Variants in CCDC39 observed in about 807,000 individuals in gnomAD.
CCDC39 encodes coiled-coil domain 39 molecular ruler complex subunit, also known as coiled-coil domain-containing protein 39.
CCDC39 carries 113 observed loss-of-function variants against 121.0 expected under a neutral mutation model. That is an observed-to-expected ratio of 0.93 (90% CI 0.80 to 1.09). The LOEUF is 1.09. CCDC39 is among the 50% of genes least tolerant of loss of function. CCDC39 has a pLI of 0.00. For synonymous variants in CCDC39, 349 were observed against 352.2 expected, an observed-to-expected ratio of 0.99 and a Z score of 0.10; for missense variants, 1,063 against 1,074.7, an observed-to-expected ratio of 0.99 and a Z score of 0.15.
intron 1 of CCDC39, among the ~76,000 whole-genome samples, chr3:180,668,573 C>T (rs1422384112): frequency 6.6e-6 from 1 of 152,082 alleles, no homozygotes; most frequent in Non-Finnish European, 1.5e-5. Context: ...CAGTTTTTCC[C>T]AGTTATTTTC....
intron 4 of CCDC39, 150 bp downstream of exon 4, chr3:180,660,420 A>C: frequency 1.8e-6 from 1 of 565,230 alleles, no homozygotes; most frequent in Non-Finnish European, 2.9e-6. Flanking sequence ...TACAGAGAAG[A>C]CATTTGGCTT....
At chr3:180,672,900 G>A (rs1485928230) in intron 1 of CCDC39, among the ~76,000 whole-genome samples, 1 of 152,172 alleles carries the variant, frequency 6.6e-6, no homozygotes, top group Non-Finnish European at 1.5e-5. Flanking sequence ...CCAAATATTG[G>A]TATTAATAGG....
chr3:180,661,226 A>AT (rs1321370072), intron 3 of CCDC39, among the ~76,000 whole-genome samples: 3 of 152,070 alleles, frequency 2.0e-5, no homozygotes, highest in Non-Finnish European at 2.9e-5. Flanking sequence ...AAAGAGATAA[A>AT]AACATTTATG....
At chr3:180,634,953 C>T (rs1281914009) in intron 13 of CCDC39, among the ~76,000 whole-genome samples, 1 of 152,116 alleles carries the variant, frequency 6.6e-6, no homozygotes, top group East Asian at 1.9e-4. Context: ...AAGGAATAAC[C>T]ATTTAATTAG....
chr3:180,645,483 T>A (rs1450584006), intron 11 of CCDC39, among the ~76,000 whole-genome samples: 1 of 152,058 alleles, frequency 6.6e-6, no homozygotes, highest in Non-Finnish European at 1.5e-5. Context: ...CCGTTCCTCC[T>A]CTCCTCTGTT....
intron 1 of CCDC39, among the ~76,000 whole-genome samples, chr3:180,677,923 A>G (rs1712280831): frequency 6.6e-6 from 1 of 152,188 alleles, no homozygotes; most frequent in South Asian, 2.1e-4. Context: ...TTAAAAAGCA[A>G]TTTAATTTAA....
chr3:180,662,508 T>C (rs2108430415), intron 2 of CCDC39, among the ~76,000 whole-genome samples: 1 of 152,230 alleles, frequency 6.6e-6, no homozygotes, highest in African/African-American at 2.4e-5. Flanking sequence ...AGAGTATGTG[T>C]TAACTAATTT....
intron 13 of CCDC39, among the ~76,000 whole-genome samples, chr3:180,635,740 G>T (rs944868354): frequency 1.3e-5 from 2 of 152,170 alleles, no homozygotes; most frequent in Non-Finnish European, 2.9e-5. Context: ...TGCCTTCACA[G>T]GCTGATATTG....
At position 180,659,485 on chromosome 3, in the gene CCDC39, C is replaced by T; in HGVS notation, c.705G>A (p.Gln235=). 6.2e-7 allele frequency: 1 copy of T among 1,613,552 alleles called. No homozygotes were observed. Among genetic ancestry groups the T allele is most frequent in the Non-Finnish European group, 8.5e-7 (1 of 1,179,666 alleles). ...KQWENTIEQM[Q]KRDGDIDNCA... is the part of the protein sequence containing the mutation. ...AGTTATCTATGTCTCCATCCCTCTTCTGCATCTGTTCTATTGTGTTCTCCC... is the reference window on the plus strand; with the variant it reads ...AGTTATCTATGTCTCCATCCCTCTTTTGCATCTGTTCTATTGTGTTCTCCC... Residue 235 remains glutamine, a synonymous_variant, in exon 6 of 20, where the codon CAG becomes CAA. Coordinates refer to ENST00000476379, the MANE Select transcript of CCDC39 (RefSeq NM_181426.2).
chr3:180,636,554 G>T (rs1007961569), intron 13 of CCDC39, among the ~76,000 whole-genome samples: 2 of 152,090 alleles, frequency 1.3e-5, no homozygotes, highest in Admixed American at 6.6e-5. Flanking sequence ...AACTACCAAT[G>T]ACATTTTTAT....
chr3:180,647,426 A>G (rs1168282021), intron 10 of CCDC39, among the ~76,000 whole-genome samples, 183 bp from the exon 11 acceptor site: 1 of 152,142 alleles, frequency 6.6e-6, no homozygotes, highest in Non-Finnish European at 1.5e-5. Context: ...AAAATAAACT[A>G]TATCTCAACA....
rs1057358055 is a variant in CCDC39, at chr3:180,644,235, T to C, written c.1550A>G (p.Lys517Arg). The change falls in exon 12 of 20, where the codon AAG becomes AGG. Residue 517 changes from lysine (K) to arginine (R), a missense_variant. Coordinates refer to ENST00000476379, the MANE Select transcript of CCDC39 (RefSeq NM_181426.2). Reference sequence around the variant, plus strand: ...TTCATCACTGTTTTTACTATGTGCCTTCTTGATAAAATAAAGATCATTCTG... The same window carrying C: ...TTCATCACTGTTTTTACTATGTGCCCTCTTGATAAAATAAAGATCATTCTG... Reference protein sequence around the residue: ...KLHNDLYFIKKAHSKNSDEKQ... With the variant: ...KLHNDLYFIKRAHSKNSDEKQ... 1.1e-5 allele frequency: 17 copies of C among 1,526,938 alleles called. No homozygotes were observed. The highest frequency in any genetic ancestry group is 1.4e-5 in the Non-Finnish European group (16 of 1,136,850). 94.6% of individuals were successfully genotyped at this position (1,526,938 alleles called of 1,614,324 possible).
At chr3:180,635,764 T>A (rs754400866) in intron 13 of CCDC39, among the ~76,000 whole-genome samples, 1 of 152,268 alleles carries the variant, frequency 6.6e-6, no homozygotes, top group Non-Finnish European at 1.5e-5. Context: ...ACCTGCGGCT[T>A]TTCAAGGTGC....
At chr3:180,620,622 G>A (rs556211511) in intron 14 of CCDC39, among the ~76,000 whole-genome samples, 13 of 151,810 alleles carry the variant, frequency 8.6e-5, no homozygotes, top group African/African-American at 3.1e-4. Context: ...GACATAGATA[G>A]TATGCATATA....
intron 13 of CCDC39, among the ~76,000 whole-genome samples, chr3:180,632,853 A>G (rs1414362431): frequency 1.3e-5 from 2 of 152,188 alleles, no homozygotes; most frequent in South Asian, 2.1e-4. Context: ...GCTATAATCA[A>G]CAACTCTGGG....
intron 16 of CCDC39, 126 bp downstream of exon 16, chr3:180,619,133 A>G (rs1245649514): frequency 7.8e-6 from 5 of 639,452 alleles, no homozygotes; most frequent in Middle Eastern, 3.0e-4. Context: ...ATCTCTTACT[A>G]TCTACTTCCC....
At chr3:180,637,090 A>T (rs12330839) in intron 13 of CCDC39, among the ~76,000 whole-genome samples, 2,904 of 152,238 alleles carry the variant, frequency 0.019, 74 homozygotes, top group African/African-American at 0.066. Context: ...GGATCTAATT[A>T]AAACTGAAGA....
At chr3:180,637,925 G>A (rs1323084844) in intron 13 of CCDC39, among the ~76,000 whole-genome samples, 4 of 152,134 alleles carry the variant, frequency 2.6e-5, no homozygotes, top group Admixed American at 1.3e-4. Flanking sequence ...GGACCTGTTG[G>A]TGGGTGGAGG....
In CCDC39 at chr3:180,663,842, T is replaced by G. The variant is rs575548006; in HGVS notation, c.210+25A>C. ...GATGTTCCATGACTACACGATATAA[T>G]CAACATAAATTTCAGTTACTGTACC... On this transcript the variant is annotated intron_variant, in intron 2 of 19. Coordinates refer to ENST00000476379, the MANE Select transcript of CCDC39 (RefSeq NM_181426.2). The G allele has an allele frequency of 6.8e-6, 11 of 1,608,036 alleles. No individual in the cohort carries two copies. The South Asian group carries it at 1.1e-4, about 16-fold the overall frequency.
Sources: allele counts gnomAD v4.1 joint callset (sites outside exome capture counted in the v4.1 genomes callset), GRCh38; gene constraint gnomAD v4.1.1; transcripts MANE v1.5; gene names NCBI Gene and HGNC (gene_info 2026-07-23, HGNC 2026-07-21).